The following RFT1 variants were observed in gnomAD, a reference collection of about 807,000 sequenced individuals.
The protein encoded by RFT1 is man(5)GlcNAc(2)-PP-dolichol translocation protein RFT1.
In RFT1, 43 loss-of-function variants were observed where a neutral mutation model predicts 62.2. The observed-to-expected ratio is 0.69, with a 90% CI of 0.54 to 0.89. RFT1 has a LOEUF of 0.89. Among genes scored for constraint, RFT1 ranks in the 40% least tolerant of loss-of-function variants. The pLI is 0.00. For synonymous variants in RFT1, 262 were observed against 264.6 expected (o/e 0.99, Z 0.10); for missense variants, 605 against 649.9 (o/e 0.93, Z 0.75).
At chr3:53,122,857 A>T (rs1702009476) in intron 3 of RFT1, among the ~76,000 whole-genome samples, 1 of 152,224 alleles carries the variant, frequency 6.6e-6, no homozygotes, top group Non-Finnish European at 1.5e-5. Flanking sequence ...CCAATCCTGC[A>T]ATAACTCCAA....
chr3:53,109,673 T>A (rs976989316), intron 7 of RFT1, among the ~76,000 whole-genome samples: 5 of 151,970 alleles, frequency 3.3e-5, no homozygotes, highest in African/African-American at 1.2e-4. Context: ...TGGCTAGGCG[T>A]AATGGTAGGT....
intron 11 of RFT1, among the ~76,000 whole-genome samples, chr3:53,095,070 G>A (rs537700395): frequency 2.5e-4 from 38 of 149,894 alleles, no homozygotes; most frequent in South Asian, 1.5e-3. Flanking sequence ...GATCGAGACC[G>A]TCCTGGCCAA....
chr3:53,123,676 A>G (rs772944075), intron 3 of RFT1, 48 bp downstream of exon 3: 2 of 1,425,044 alleles, frequency 1.4e-6, no homozygotes, highest in Non-Finnish European at 2.0e-6. Context: ...TCCAATGCTC[A>G]CTACACCTGC....
In RFT1 at chr3:53,092,018, AC is replaced by A. The variant is rs1249662589; in HGVS notation, c.1510del (p.Val504TrpfsTer20). 6.2e-7 allele frequency: 1 copy of A among 1,614,256 alleles called. No homozygotes were observed. Among genetic ancestry groups the A allele is most frequent in the Middle Eastern group, 1.6e-4 (1 of 6,062 alleles). On this transcript the variant is annotated frameshift_variant, in exon 13 of 13. Coordinates refer to ENST00000296292, the MANE Select transcript of RFT1 (RefSeq NM_052859.4). LOFTEE classifies it high-confidence loss of function. ...GWPARLAHIA[V>X]GAFCLGATLG... ...AGTTGCTCCCAGACAGAAGGCCCCC[AC>A]AGCAATGTGTGCCAGTCTGGCTGGC...
rs2581786 is a variant in RFT1 at position 53,092,127 on chromosome 3, G to A, written c.1459-57C>T. 0.55 allele frequency: 882,370 copies of A among 1,599,646 alleles called. 249,060 individuals carry two copies. Among genetic ancestry groups the A allele is most frequent in the East Asian group, 0.76 (33,990 of 44,542 alleles). On this transcript the variant is annotated intron_variant, in intron 12 of 12. Transcript: ENST00000296292. ...CCTCAGTCTATACCTCCTTCCTCTG[G>A]GACCAGCCAGGGAAGACAGCTGTGG...
In RFT1 at chr3:53,090,936, G is replaced by A. The variant is rs1407658253; in HGVS notation, c.*967C>T. 2.0e-5 allele frequency: 3 copies of A among 152,228 alleles called. No homozygotes were observed. Among genetic ancestry groups the A allele is most frequent in the African/African-American group, 7.2e-5 (3 of 41,446 alleles). The allele number at this position is 152,228 out of a possible 1,614,324, so 9.4% of individuals were successfully genotyped here. A position where few individuals can be genotyped will look rare whatever the true frequency, so the allele number is the denominator to read the frequency against. ...CTGGAATTTGGTTGTATTGATCAAT[G>A]CTGGAATTAATGGGTCAACGGGAGG... On this transcript the variant is annotated 3_prime_UTR_variant, in exon 13 of 13. Transcript: ENST00000296292.
At chr3:53,104,478 C>T (rs1017097004) in intron 9 of RFT1, among the ~76,000 whole-genome samples, 1 of 152,002 alleles carries the variant, frequency 6.6e-6, no homozygotes, top group African/African-American at 2.4e-5. Flanking sequence ...ATCCTCCTGC[C>T]TTGGCCTCCC....
chr3:53,112,747 A>G (rs1701687824), intron 6 of RFT1, among the ~76,000 whole-genome samples: 3 of 152,208 alleles, frequency 2.0e-5, no homozygotes, highest in Admixed American at 2.0e-4. Flanking sequence ...TGGCTCAAAA[A>G]TAAATAAATA....
intron 7 of RFT1, among the ~76,000 whole-genome samples, chr3:53,110,949 T>C (rs1164772959): frequency 3.3e-5 from 5 of 152,210 alleles, no homozygotes; most frequent in Non-Finnish European, 7.3e-5. Context: ...AGCCCCTTGC[T>C]GGCCCTCCAC....
At chr3:53,098,717 G>A (rs1215293701) in intron 11 of RFT1, among the ~76,000 whole-genome samples, 1 of 150,676 alleles carries the variant, frequency 6.6e-6, no homozygotes, top group Non-Finnish European at 1.5e-5. Context: ...CAGGAGAATG[G>A]CGTGAACCTG....
chr3:53,087,546 G>A (rs555046705), downstream of RFT1, among the ~76,000 whole-genome samples: 58 of 151,238 alleles, frequency 3.8e-4, no homozygotes, highest in South Asian at 8.3e-4. Context: ...TTTTTGGAGT[G>A]GGGGGACAGG....
At position 53,092,010 on chromosome 3, in the gene RFT1, A is replaced by G; in HGVS notation, c.1519T>C (p.Phe507Leu). 6.2e-7 allele frequency: 1 copy of G among 1,614,234 alleles called. No individual in the cohort carries two copies. The highest frequency in any genetic ancestry group is 8.5e-7 in the Non-Finnish European group (1 of 1,180,034). The change falls in exon 13 of 13, where the codon TTC becomes CTC. Residue 507 changes from phenylalanine to leucine, a missense_variant. Transcript: ENST00000296292. ...ARLAHIAVGA[F>L]CLGATLGTAF... ...GTCCCGAGAGTTGCTCCCAGACAGA[A>G]GGCCCCCACAGCAATGTGTGCCAGT...
rs764833139 is a variant in RFT1, at chr3:53,125,949, G to A, written c.109C>T (p.Arg37Cys). Residue 37 changes from arginine to cysteine, a missense_variant, in exon 2 of 13, where the codon CGC (arginine) becomes TGC (cysteine). Transcript: ENST00000296292. ...CCAACGATTTCCTTTGACAGGAAGCGAAGAATAAATGCATTCAAGACAAAG... is the reference window on the plus strand; with the variant it reads ...CCAACGATTTCCTTTGACAGGAAGCAAAGAATAAATGCATTCAAGACAAAG... ...ITFVLNAFIL[R>C]FLSKEIVGVV... 4.3e-6 allele frequency: 7 copies of A among 1,613,810 alleles called. No homozygotes were observed. In the East Asian group the frequency reaches 6.7e-5, roughly 15 times the overall value.
At chr3:53,085,143 C>A (rs1700830140), downstream of RFT1, among the ~76,000 whole-genome samples, 1 of 152,202 alleles carries the variant, frequency 6.6e-6, no homozygotes, top group African/African-American at 2.4e-5. Flanking sequence ...TAGGCCTCTA[C>A]CCTGAGAGCA....
At chr3:53,105,407 C>T (rs1701435169) in intron 9 of RFT1, among the ~76,000 whole-genome samples, 1 of 41,398 alleles carries the variant, frequency 2.4e-5, no homozygotes, top group African/African-American at 5.3e-5. Flanking sequence ...GAGCAAGACT[C>T]TATCCCCGCC....
chr3:53,115,546 T>A (rs551247342), intron 6 of RFT1, among the ~76,000 whole-genome samples: 17 of 152,186 alleles, frequency 1.1e-4, no homozygotes, highest in African/African-American at 3.1e-4. Flanking sequence ...TCCCGCCACC[T>A]TTTCCTTTCT....
chr3:53,128,067 G>A (rs566969243), intron 1 of RFT1, among the ~76,000 whole-genome samples: 1 of 152,258 alleles, frequency 6.6e-6, no homozygotes, highest in African/African-American at 2.4e-5. Flanking sequence ...GGAGGCTGAG[G>A]CAGGTGGATC....
At chr3:53,115,757 G>A (rs570210145) in intron 6 of RFT1, among the ~76,000 whole-genome samples, 110 of 152,272 alleles carry the variant, frequency 7.2e-4, no homozygotes, top group Non-Finnish European at 1.2e-3. Context: ...AGCTTCCTCC[G>A]TGAAGCCTTC....
chr3:53,073,325 G>C, the RFT1 span, among the ~76,000 whole-genome samples: 1 of 152,222 alleles, frequency 6.6e-6, no homozygotes, highest in Non-Finnish European at 1.5e-5. Context: ...ACCTGGGCTG[G>C]GGCTTGACAC....
Sources: gnomAD v4.1 joint callset for allele counts (sites outside exome capture counted in the v4.1 genomes callset) on GRCh38, gnomAD v4.1.1 for gene constraint, MANE v1.5 for transcripts, NCBI Gene and HGNC (gene_info 2026-07-23, HGNC 2026-07-21) for gene names.